Variants in PLEC observed in about 807,000 individuals in gnomAD.
PLEC encodes plectin.
In PLEC, 216 loss-of-function variants were observed where a neutral mutation model predicts 392.8. The observed-to-expected ratio is 0.55, with a 90% CI of 0.49 to 0.62. The LOEUF (loss-of-function observed/expected upper bound fraction) is 0.62, where lower values mean the gene tolerates loss of function less well. PLEC is among the 20% of genes least tolerant of loss of function. PLEC has a pLI of 0.00. For synonymous variants in PLEC, 3,621 were observed against 2,980.6 expected, an observed-to-expected ratio of 1.21 and a Z score of -7.00; for missense variants, 6,863 against 6,563.4, an observed-to-expected ratio of 1.05 and a Z score of -1.58.
chr8:143,952,338 C>T (rs1300586357), upstream of PLEC, among the ~76,000 whole-genome samples: 1 of 152,230 alleles, frequency 6.6e-6, no homozygotes, highest in Non-Finnish European at 1.5e-5. Flanking sequence ...ATGGCTCTCC[C>T]TCCCTCTGAA....
At chr8:143,966,285 AC>A (rs1328527025) in intron 1 of PLEC, among the ~76,000 whole-genome samples, 1 of 151,764 alleles carries the variant, frequency 6.6e-6, no homozygotes, top group African/African-American at 2.4e-5. Flanking sequence ...GCTCTGGAGG[AC>A]CCCAGGCTCA....
At chr8:143,949,459 G>A (rs1488607562) in intron 1 of PLEC, among the ~76,000 whole-genome samples, 1 of 152,224 alleles carries the variant, frequency 6.6e-6, no homozygotes, top group African/African-American at 2.4e-5. Context: ...ACAGAGAAGG[G>A]GCAGAGCAAA....
intron 14 of PLEC, 38 bp downstream of exon 14, chr8:143,932,755 G>A (rs782662034): frequency 4.4e-6 from 7 of 1,609,142 alleles, no homozygotes; most frequent in Non-Finnish European, 5.9e-6. Context: ...GCTGGGCCCG[G>A]CCCACCCCCG....
upstream of PLEC, among the ~76,000 whole-genome samples, chr8:143,975,877 T>C (rs1554745913): frequency 6.6e-6 from 1 of 151,310 alleles, no homozygotes; most frequent in African/African-American, 2.4e-5. This position sits in a 1 kb window ranked among gnomAD's most constrained non-coding sequence, Gnocchi z 9.9. Context: ...CATCCCAAAC[T>C]GGACCCGCCT....
At position 143,969,472 on chromosome 8, in the gene PLEC, G is replaced by A. The variant is rs370631013; in HGVS notation, c.70+3931C>T. ...CCCAGCTGCCAAGAGGTGTCCAGTCGCCCAGCCCCCCAAGCCTGGCCTGTG... is the reference window on the plus strand; with the variant it reads ...CCCAGCTGCCAAGAGGTGTCCAGTCACCCAGCCCCCCAAGCCTGGCCTGTG... On this transcript the variant is annotated intron_variant, in intron 1 of 31. Transcript: ENST00000356346. This position sits in a 1 kb window ranked among gnomAD's most constrained non-coding sequence, Gnocchi z 5.1. Among the ~76,000 whole-genome samples, 7 of 152,164 alleles carry A rather than the reference G, an allele frequency of 4.6e-5. No homozygotes were observed. Among genetic ancestry groups the A allele is most frequent in the Non-Finnish European group, 7.4e-5 (5 of 68,022 alleles).
intron 1 of PLEC, among the ~76,000 whole-genome samples, chr8:143,945,871 C>T (rs1554731919): frequency 6.6e-6 from 1 of 152,276 alleles, no homozygotes; most frequent in Non-Finnish European, 1.5e-5. Flanking sequence ...GAGGGAAATG[C>T]CTGCAGTGGC....
intron 1 of PLEC, among the ~76,000 whole-genome samples, chr8:143,949,712 C>T (rs566584848): frequency 6.6e-6 from 1 of 152,346 alleles, no homozygotes; most frequent in South Asian, 2.1e-4. Context: ...ACACCGGGCA[C>T]TCTGTGCGGC....
intron 23 of PLEC, 32 bp from the exon 24 acceptor site, chr8:143,929,603 C>G: frequency 1.2e-6 from 2 of 1,611,118 alleles, no homozygotes; most frequent in South Asian, 1.1e-5. Flanking sequence ...CTCCACCGCC[C>G]ACCTCGCACC....
At chr8:143,950,879 G>A (rs928779772), upstream of PLEC, 53 of 1,335,368 alleles carry the variant, frequency 4.0e-5, no homozygotes, top group Middle Eastern at 2.6e-4. Context: ...GCGGGCTCCC[G>A]GCTGTGTGGC....
upstream of PLEC, chr8:143,943,731 G>A (rs1830928513): frequency 1.3e-6 from 2 of 1,560,942 alleles, no homozygotes; most frequent in Non-Finnish European, 8.7e-7. Context: ...GAGGCAGGCG[G>A]CCCCTCTGCC....
At chr8:143,928,045 A>G in intron 25 of PLEC, 53 bp from the exon 26 acceptor site, 1 of 1,538,942 alleles carries the variant, frequency 6.5e-7, no homozygotes, top group Non-Finnish European at 8.7e-7. Context: ...GCAATAGCCC[A>G]AGGGAATGGA....
At chr8:143,945,143 C>T in intron 1 of PLEC, 1 of 435,874 alleles carries the variant, frequency 2.3e-6, no homozygotes, top group South Asian at 1.7e-5. Flanking sequence ...CCAGAGGGCC[C>T]TGCGCAGGTC....
intron 12 of PLEC, 113 bp downstream of exon 12, chr8:143,933,884 CT>C (rs1220351726): frequency 4.5e-6 from 4 of 896,876 alleles, no homozygotes; most frequent in African/African-American, 1.7e-5. Flanking sequence ...GCCCCTGCCC[CT>C]GCCCCTGCCC....
intron 1 of PLEC, chr8:143,945,157 C>A (rs782287527): frequency 2.0e-5 from 9 of 450,816 alleles, no homozygotes; most frequent in South Asian, 1.5e-4. Context: ...GCAGGTCACT[C>A]AACACAGCAC....
chr8:143,969,061 C>T lies in PLEC; in HGVS notation c.70+4342G>A, dbSNP rs1340335276. Among the ~76,000 whole-genome samples, 2 of 152,192 alleles carry T rather than the reference C, an allele frequency of 1.3e-5. No individual in the cohort carries two copies. Among genetic ancestry groups the T allele is most frequent in the African/African-American group, 4.8e-5 (2 of 41,442 alleles). On this transcript the variant is annotated intron_variant, in intron 1 of 31. Coordinates refer to the PLEC transcript ENST00000356346. This position sits in a 1 kb window ranked among gnomAD's most constrained non-coding sequence, Gnocchi z 5.1. Reference sequence around the variant, plus strand: ...GACCACACAAAAACGTGTATGCAAACGTCCATAGCAGCCTCACTCATAACA... The same window carrying T: ...GACCACACAAAAACGTGTATGCAAATGTCCATAGCAGCCTCACTCATAACA...
rs1260596375 is a variant in PLEC, at chr8:143,919,197, G to A, written c.10624C>T (p.Pro3542Ser). The change falls in exon 32 of 32, where the codon CCA becomes TCA. Residue 3542 changes from proline (P) to serine (S), a missense_variant. Physicochemically the swap from Pro to Ser is moderately conservative, Grantham distance 74 (BLOSUM62 -1). Coordinates refer to ENST00000345136, the MANE Select transcript of PLEC (RefSeq NM_201384.3). ...EDPETGLRLL[P>S]LKGAEKAEVV... ...TCAGCCTTCTCCGCCCCTTTCAGTGGCAGAAGGCGCAAGCCCGTCTCGGGG... is the reference window on the plus strand; with the variant it reads ...TCAGCCTTCTCCGCCCCTTTCAGTGACAGAAGGCGCAAGCCCGTCTCGGGG... 20 of 1,613,634 alleles carry A rather than the reference G, an allele frequency of 1.2e-5. No individual in the cohort carries two copies. Among genetic ancestry groups the A allele is most frequent in the Non-Finnish European group, 1.5e-5 (18 of 1,180,036 alleles).
chr8:143,975,139 T>A (rs2133005576), upstream of PLEC: 1 of 1,590,546 alleles, frequency 6.3e-7, no homozygotes, highest in East Asian at 2.2e-5. This position sits in a 1 kb window ranked among gnomAD's most constrained non-coding sequence, Gnocchi z 9.9. Flanking sequence ...CAACCTCGCG[T>A]GCCAAGGAGG....
intron 6 of PLEC, 120 bp downstream of exon 6, chr8:143,935,728 G>A (rs920187963): frequency 8.2e-5 from 92 of 1,119,578 alleles, no homozygotes; most frequent in Non-Finnish European, 1.1e-4. Context: ...GAGGCGGCCA[G>A]CTGGCACTCA....
At chr8:143,942,140 G>C (rs1251054250), upstream of PLEC, among the ~76,000 whole-genome samples, 2 of 151,706 alleles carry the variant, frequency 1.3e-5, no homozygotes, top group Non-Finnish European at 2.9e-5. Context: ...TGGAACAGCC[G>C]GGGGTGGGCC....
Sources: allele counts gnomAD v4.1 joint callset (sites outside exome capture counted in the v4.1 genomes callset), GRCh38; gene constraint gnomAD v4.1.1; non-coding constraint Gnocchi (gnomAD v3.1); transcripts MANE v1.5; gene names NCBI Gene and HGNC (gene_info 2026-07-23, HGNC 2026-07-21).